Variants in EME2 observed in about 807,000 individuals in gnomAD.
EME2 encodes structure-specific endonuclease subunit EME2.
In EME2, 58 loss-of-function variants were observed where a neutral mutation model predicts 41.9. The observed-to-expected ratio is 1.38, with a 90% CI of 1.12 to 1.72. The LOEUF is 1.72. Among genes scored for constraint, EME2 ranks in the 40% most tolerant of loss-of-function variants. The probability of loss-of-function intolerance (pLI) is 0.00; values close to 1 mark genes in which losing one functional copy is unlikely to be tolerated. For missense variants in EME2, 695 were observed against 541.9 expected (o/e 1.28, Z -2.81); for synonymous variants, 334 against 239.3 (o/e 1.40, Z -3.65).
Position 1,773,069 on chromosome 16 carries a change from G to A in EME2, c.-159G>A. ...TCAGTTGCTCCCGCAGGGCGCGCAC[G>A]CGGCGGGCCAGCTCCGCGATCAGCC... On this transcript the variant is annotated 5_prime_UTR_variant, in exon 1 of 8. Transcript: ENST00000568449. The A allele has an allele frequency of 7.1e-7, 1 of 1,416,146 alleles. No individual in the cohort carries two copies. Among genetic ancestry groups the A allele is most frequent in the Non-Finnish European group, 9.2e-7 (1 of 1,087,852 alleles). The allele number at this position is 1,416,146 out of a possible 1,614,324, so 87.7% of individuals were successfully genotyped here. A position where few individuals can be genotyped will look rare whatever the true frequency, so the allele number is the denominator to read the frequency against.
In EME2 at chr16:1,775,611, CTGG is replaced by C; in HGVS notation, c.710_712del (p.Val237del). 6.2e-7 allele frequency: 1 copy of C among 1,612,920 alleles called. No homozygotes were observed. Among genetic ancestry groups the C allele is most frequent in the Admixed American group, 1.7e-5 (1 of 60,030 alleles). On this transcript the variant is annotated inframe_deletion, in exon 6 of 8. Coordinates refer to ENST00000568449, the MANE Select transcript of EME2 (RefSeq NM_001257370.2). Reference sequence around the variant, plus strand: ...GCTCTGGGCAAACCTGGACGTGCTACTGGTGGCCTCTTGGCAGGAGCTGAGTCG... The same window carrying C: ...GCTCTGGGCAAACCTGGACGTGCTACTGGCCTCTTGGCAGGAGCTGAGTCG...
chr16:1,773,919 CTGAGGCAGCTGCCCT>C (rs1285148002), intron 2 of EME2, 78 bp downstream of exon 2: 1 of 1,454,696 alleles, frequency 6.9e-7, no homozygotes, highest in Non-Finnish European at 9.1e-7. Context: ...GGAGCTGTCC[CTGAGGCAGCTGCCCT>C]GGGCCGTGCG....
chr16:1,777,519 G>C lies in EME2; in HGVS notation c.*1281G>C. ...CTGGGCGCAGCCCCTCAGACCTCAC[G>C]CTACAGTCACCCGGGTGGGCAGCTG... On this transcript the variant is annotated 3_prime_UTR_variant, in exon 8 of 8. Coordinates refer to ENST00000568449, the MANE Select transcript of EME2 (RefSeq NM_001257370.2). The C allele has an allele frequency of 7.1e-7, 1 of 1,410,380 alleles. No homozygotes were observed. Among genetic ancestry groups the C allele is most frequent in the Non-Finnish European group, 9.3e-7 (1 of 1,071,214 alleles). The allele number at this position is 1,410,380 out of a possible 1,614,324, so 87.4% of individuals were successfully genotyped here. A position where few individuals can be genotyped will look rare whatever the true frequency, so the allele number is the denominator to read the frequency against.
In EME2 at chr16:1,778,769, G is replaced by C. The variant is rs1335360751; in HGVS notation, c.*2531G>C. The C allele has an allele frequency of 1.0e-5, 8 of 770,704 alleles. No homozygotes were observed. Among genetic ancestry groups the C allele is most frequent in the Non-Finnish European group, 1.6e-5 (8 of 514,822 alleles). The allele number at this position is 770,704 out of a possible 1,614,324, so 47.7% of individuals were successfully genotyped here. On this transcript the variant is annotated 3_prime_UTR_variant, in exon 8 of 8. Coordinates refer to ENST00000568449, the MANE Select transcript of EME2 (RefSeq NM_001257370.2). ...ACAGTACCCCGAGCGCACAGCCCAG[G>C]CTCCCTCCCAACGGGCTCCGGCTCT...
rs758102229 is a variant in EME2, at chr16:1,775,830, C to T, written c.813C>T (p.Cys271=). ...QYRESQAFSF[C]TAGRWAAGEP... ...GGGAATCCCAGGCCTTCTCCTTCTG[C>T]ACAGCAGGGCGCTGGGCAGCCGGCG... Residue 271 remains cysteine (C), a synonymous_variant, in exon 7 of 8, where the codon TGC becomes TGT. Coordinates refer to ENST00000568449, the MANE Select transcript of EME2 (RefSeq NM_001257370.2). 1 of 1,612,534 alleles carries T rather than the reference C, an allele frequency of 6.2e-7. No homozygotes were observed. Among genetic ancestry groups the T allele is most frequent in the South Asian group, 1.1e-5 (1 of 91,048 alleles).
Position 1,775,376 on chromosome 16 carries a change from G to C in EME2, c.631G>C (p.Glu211Gln), listed in dbSNP as rs781473892. 4.3e-6 allele frequency: 7 copies of C among 1,610,676 alleles called. No homozygotes were observed. The South Asian group carries it at 6.6e-5, about 15-fold the overall frequency. Reference protein sequence around the residue: ...QPESPKVAGAEVAVSWPEVEE... With the variant: ...QPESPKVAGAQVAVSWPEVEE... ...AGAGAGCCCGAAGGTGGCCGGTGCC[G>C]AGGTGGCCGTCAGCTGGCCGGAGGT... The change falls in exon 5 of 8, where the codon GAG becomes CAG. Residue 211 changes from glutamate (E) to glutamine (Q), a missense_variant. By Grantham distance (29) the Glu-to-Gln change is conservative (BLOSUM62 2). Transcript: ENST00000568449.
rs555891945 is a variant in EME2 at position 1,778,901 on chromosome 16, C to G, written c.*2663C>G. 1.6e-4 allele frequency: 55 copies of G among 340,928 alleles called. No individual in the cohort carries two copies. The highest frequency in any genetic ancestry group is 1.1e-3 in the African/African-American group (54 of 47,172). The allele number at this position is 340,928 out of a possible 1,614,324, so 21.1% of individuals were successfully genotyped here. On this transcript the variant is annotated 3_prime_UTR_variant, in exon 8 of 8. Transcript: ENST00000568449. ...CTAGACGGTGGATAAGCCCCAGGTC[C>G]ACCCCACCTGCCCAGAGCTGAGATG...
At position 1,775,343 on chromosome 16, in the gene EME2, C is replaced by A; in HGVS notation, c.598C>A (p.Gln200Lys). 6.2e-7 allele frequency: 1 copy of A among 1,611,074 alleles called. No homozygotes were observed. Among genetic ancestry groups the A allele is most frequent in the East Asian group, 2.2e-5 (1 of 44,888 alleles). ...TCGCCAGCACGTTTCCCGGGGGACA[C>A]AGCAGCCAGAGAGCCCGAAGGTGGC... ...WSRQHVSRGT[Q>K]QPESPKVAGA... The change falls in exon 5 of 8, where the codon CAG becomes AAG. Residue 200 changes from glutamine (Q) to lysine (K), a missense_variant. Physicochemically the swap from Gln to Lys is moderately conservative, Grantham distance 53. Transcript: ENST00000568449.
At position 1,777,624 on chromosome 16, in the gene EME2, TG is replaced by T; in HGVS notation, c.*1390del. On this transcript the variant is annotated 3_prime_UTR_variant, in exon 8 of 8. Coordinates refer to ENST00000568449, the MANE Select transcript of EME2 (RefSeq NM_001257370.2). ...CTCACTGTCCCACCCCCTGGGACCC[TG>T]GGGCCTCAGGCTTCTGGGAGGAACC... 1 of 1,492,636 alleles carries T rather than the reference TG, an allele frequency of 6.7e-7. No individual in the cohort carries two copies. The highest frequency in any genetic ancestry group is 1.3e-5 in the South Asian group (1 of 78,902). 92.5% of individuals were successfully genotyped at this position (1,492,636 alleles called of 1,614,324 possible).
Position 1,775,338 on chromosome 16 carries a change from G to T in EME2, c.593G>T (p.Gly198Val). 1.2e-6 allele frequency: 2 copies of T among 1,610,792 alleles called. No homozygotes were observed. Among genetic ancestry groups the T allele is most frequent in the Non-Finnish European group, 1.7e-6 (2 of 1,179,996 alleles). ...YLWSRQHVSRGTQQPESPKVA... is the reference protein window; with the variant it reads ...YLWSRQHVSRVTQQPESPKVA... ...AGGTCTCGCCAGCACGTTTCCCGGGGGACACAGCAGCCAGAGAGCCCGAAG... is the reference window on the plus strand; with the variant it reads ...AGGTCTCGCCAGCACGTTTCCCGGGTGACACAGCAGCCAGAGAGCCCGAAG... Residue 198 changes from glycine (G) to valine (V), a missense_variant, in exon 5 of 8, where the codon GGG (glycine) becomes GTG (valine). Coordinates refer to ENST00000568449, the MANE Select transcript of EME2 (RefSeq NM_001257370.2).
Position 1,775,366 on chromosome 16 carries a change from G to T in EME2, c.621G>T (p.Val207=). Residue 207 remains valine, a synonymous_variant, in exon 5 of 8, where the codon GTG becomes GTT. Coordinates refer to ENST00000568449, the MANE Select transcript of EME2 (RefSeq NM_001257370.2). ...CACAGCAGCCAGAGAGCCCGAAGGT[G>T]GCCGGTGCCGAGGTGGCCGTCAGCT... The part of the protein sequence containing the change: ...RGTQQPESPK[V]AGAEVAVSWP... 2.5e-6 allele frequency: 4 copies of T among 1,610,442 alleles called. No individual in the cohort carries two copies. Among genetic ancestry groups the T allele is most frequent in the Non-Finnish European group, 3.4e-6 (4 of 1,178,510 alleles).
Position 1,777,386 on chromosome 16 carries a change from G to A in EME2, c.*1148G>A, listed in dbSNP as rs751541071. On this transcript the variant is annotated 3_prime_UTR_variant, in exon 8 of 8. Transcript: ENST00000568449. ...GGTGACCTTCATGCTGCTCCGGGCC[G>A]CCGTGGAGCACACCATCGGGTAGAA... 9 of 1,594,028 alleles carry A rather than the reference G, an allele frequency of 5.6e-6. No homozygotes were observed. The highest frequency in any genetic ancestry group is 1.1e-5 in the South Asian group (1 of 90,074).
In EME2 at chr16:1,775,598, C is replaced by G. The variant is rs1378910826; in HGVS notation, c.693C>G (p.Asn231Lys). The change falls in exon 6 of 8, where the codon AAC becomes AAG. Residue 231 changes from asparagine to lysine, a missense_variant. Transcript: ENST00000568449. Reference protein sequence around the residue: ...EALVLLQLWANLDVLLVASWQ... With the variant: ...EALVLLQLWAKLDVLLVASWQ... ...TGGTACTCCTGCAGCTCTGGGCAAACCTGGACGTGCTACTGGTGGCCTCTT... is the reference window on the plus strand; with the variant it reads ...TGGTACTCCTGCAGCTCTGGGCAAAGCTGGACGTGCTACTGGTGGCCTCTT... The G allele has an allele frequency of 1.2e-5, 19 of 1,612,798 alleles. No homozygotes were observed. Among genetic ancestry groups the G allele is most frequent in the Non-Finnish European group, 1.6e-5 (19 of 1,180,010 alleles).
In EME2 at chr16:1,777,053, A is replaced by G. The variant is rs34342557; in HGVS notation, c.*815A>G. 6.4e-7 allele frequency: 1 copy of G among 1,570,440 alleles called. No homozygotes were observed. The highest frequency in any genetic ancestry group is 8.7e-7 in the Non-Finnish European group (1 of 1,150,480). On this transcript the variant is annotated 3_prime_UTR_variant, in exon 8 of 8. Coordinates refer to ENST00000568449, the MANE Select transcript of EME2 (RefSeq NM_001257370.2). ...GACAGAGAAAGAAGGGACAGAGGAA[A>G]GGGGCTGTCCCAGCCCAAGAAGGCA...
chr16:1,781,472 G>T lies in EME2; in HGVS notation c.*5234G>T. 1 of 1,612,518 alleles carries T rather than the reference G, an allele frequency of 6.2e-7. No individual in the cohort carries two copies. The highest frequency in any genetic ancestry group is 8.5e-7 in the Non-Finnish European group (1 of 1,179,864). On this transcript the variant is annotated 3_prime_UTR_variant, in exon 8 of 8. Transcript: ENST00000568449. ...AGTGCCAGGCCCTGCTGTTCCGGGG[G>T]CGTCTGGCCATGGTGGAAAGAATCT...
Position 1,775,685 on chromosome 16 carries a change from G to A in EME2, c.779+1G>A, listed in dbSNP as rs747798682. 2.5e-6 allele frequency: 4 copies of A among 1,612,824 alleles called. No homozygotes were observed. In the South Asian group the frequency reaches 3.3e-5, roughly 13 times the overall value. On this transcript the variant is annotated splice_donor_variant, in intron 6 of 7. Transcript: ENST00000568449. LOFTEE classifies it high-confidence loss of function. ...AGGCTCTCGCCCAGTATCCCCTCAAGTGCGTGATGCCAAGGCTGAAGGGGG... is the reference window on the plus strand; with the variant it reads ...AGGCTCTCGCCCAGTATCCCCTCAAATGCGTGATGCCAAGGCTGAAGGGGG...
intron 3 of EME2, 38 bp downstream of exon 3, chr16:1,774,390 AG>A: frequency 6.4e-7 from 1 of 1,558,846 alleles, no homozygotes; most frequent in Non-Finnish European, 8.8e-7. Flanking sequence ...TCTAATCAGG[AG>A]GGGTGGGTTC....
chr16:1,776,088 G>C lies in EME2; in HGVS notation c.990G>C (p.Thr330=). 1.2e-6 allele frequency: 2 copies of C among 1,610,000 alleles called. No individual in the cohort carries two copies. The highest frequency in any genetic ancestry group is 1.7e-6 in the Non-Finnish European group (2 of 1,179,052). ...LLQQALEACS[T]ERERMGLLAD... ...CCTAGGCGCTGGAGGCCTGCAGCAC[G>C]GAGCGGGAGCGCATGGGCCTCCTGG... is the stretch of plus-strand genomic sequence containing the variant. Residue 330 remains threonine, a synonymous_variant, in exon 8 of 8, where the codon ACG becomes ACC. Coordinates refer to ENST00000568449, the MANE Select transcript of EME2 (RefSeq NM_001257370.2).
chr16:1,775,779 G>A lies in EME2; in HGVS notation c.780-18G>A, dbSNP rs1453587478. ...AGCTGCTCACATGAGGTTCTAAAAGGCTTCTCTCTGTCCCCAGGCAGTACC... is the reference window on the plus strand; with the variant it reads ...AGCTGCTCACATGAGGTTCTAAAAGACTTCTCTCTGTCCCCAGGCAGTACC... On this transcript the variant is annotated intron_variant, in intron 6 of 7. Transcript: ENST00000568449. 1 of 1,612,188 alleles carries A rather than the reference G, an allele frequency of 6.2e-7. No individual in the cohort carries two copies. The highest frequency in any genetic ancestry group is 2.2e-5 in the East Asian group (1 of 44,848).
Sources: allele counts gnomAD v4.1 joint callset, GRCh38; gene constraint gnomAD v4.1.1; transcripts MANE v1.5; gene names NCBI Gene and HGNC (gene_info 2026-07-23, HGNC 2026-07-21).